Variants in OPCML observed in about 807,000 individuals in gnomAD.
OPCML encodes opioid-binding protein/cell adhesion molecule.
In OPCML, 13 loss-of-function variants were observed where a neutral mutation model predicts 37.8. The ratio of observed to expected loss-of-function variants is 0.34; its 90% CI spans 0.22 to 0.55. The LOEUF is 0.55. Ranked by LOEUF, OPCML falls within the 20% of genes least tolerant of loss-of-function variation. OPCML has a pLI of 0.91. For synonymous variants in OPCML, 176 were observed against 168.8 expected, an observed-to-expected ratio of 1.04 and a Z score of -0.33; for missense variants, 341 against 435.6, an observed-to-expected ratio of 0.78 and a Z score of 1.93.
intron 1 of OPCML, among the ~76,000 whole-genome samples, chr11:133,017,546 C>T (rs1314250933): frequency 1.3e-5 from 2 of 151,972 alleles, no homozygotes; most frequent in African/African-American, 4.8e-5. Flanking sequence ...TACAGGCATG[C>T]ACCCAGCTAA....
intron 2 of OPCML, among the ~76,000 whole-genome samples, chr11:132,796,545 A>G (rs1391667762): frequency 1.8e-5 from 2 of 113,340 alleles, no homozygotes; most frequent in South Asian, 6.6e-4. Flanking sequence ...AACACTTATT[A>G]TTATCCACTT....
At chr11:132,427,333 T>C (rs1013214923) in intron 7 of OPCML, among the ~76,000 whole-genome samples, 1 of 152,216 alleles carries the variant, frequency 6.6e-6, no homozygotes, top group African/African-American at 2.4e-5. Flanking sequence ...TTCTTGGTGA[T>C]TAAAAGAGGA....
chr11:133,422,040 T>TA, intron 1 of OPCML: 1 of 593,316 alleles, frequency 1.7e-6, no homozygotes, highest in Non-Finnish European at 2.1e-6. Flanking sequence ...CATAGGTGTA[T>TA]ACGTGCCATG....
At chr11:132,588,723 C>A (rs1026927595) in intron 3 of OPCML, among the ~76,000 whole-genome samples, 10 of 152,088 alleles carry the variant, frequency 6.6e-5, no homozygotes, top group African/African-American at 1.9e-4. Flanking sequence ...GAATCCATGG[C>A]CAGTGTCTAA....
intron 1 of OPCML, among the ~76,000 whole-genome samples, chr11:133,049,144 C>T (rs80068028): frequency 0.021 from 3,150 of 152,294 alleles, 63 homozygotes; most frequent in Admixed American, 0.056. Context: ...AAATATGGAA[C>T]TTCCTGTGAG....
intron 1 of OPCML, among the ~76,000 whole-genome samples, chr11:133,490,715 C>CT (rs1183293175): frequency 6.6e-6 from 1 of 152,076 alleles, no homozygotes; most frequent in Non-Finnish European, 1.5e-5. Flanking sequence ...TCCTTTCTTG[C>CT]TTTTTTTGAT....
At chr11:132,566,148 G>A (rs2096422548) in intron 3 of OPCML, among the ~76,000 whole-genome samples, 1 of 152,178 alleles carries the variant, frequency 6.6e-6, no homozygotes, top group Non-Finnish European at 1.5e-5. Flanking sequence ...TCTGGTAGAG[G>A]AGAAATATAA....
At chr11:133,082,127 A>T (rs1948730409) in intron 1 of OPCML, among the ~76,000 whole-genome samples, 1 of 150,996 alleles carries the variant, frequency 6.6e-6, no homozygotes, top group African/African-American at 2.4e-5. Context: ...CGGCTCAGGG[A>T]CCCCTCCCCA....
At chr11:133,200,336 A>G (rs1209265941) in intron 1 of OPCML, among the ~76,000 whole-genome samples, 1 of 152,210 alleles carries the variant, frequency 6.6e-6, no homozygotes, top group Non-Finnish European at 1.5e-5. Context: ...TGGGGGCAGA[A>G]GAGAAGATAC....
In OPCML at chr11:132,758,298, G is replaced by T. The variant is rs143349304; in HGVS notation, c.147-100979C>A. Among the ~76,000 whole-genome samples the T allele has an allele frequency of 3.9e-3, 595 of 152,248 alleles. 7 individuals carry two copies. The highest frequency in any genetic ancestry group is 0.014 in the African/African-American group (572 of 41,552). ...TCTTGGCTGTACGGCCTCTTCTTTG[G>T]TTCCATATGAAATTTAAAGTAGTTT... is the stretch of plus-strand genomic sequence containing the variant. On this transcript the variant is annotated intron_variant, in intron 2 of 7. Coordinates refer to ENST00000524381, the MANE Select transcript of OPCML (RefSeq NM_001012393.5).
chr11:132,748,013 T>G (rs1945695989), intron 2 of OPCML, among the ~76,000 whole-genome samples: 1 of 152,092 alleles, frequency 6.6e-6, no homozygotes. Flanking sequence ...TCCAATAGAT[T>G]CTTTTATTTT....
At chr11:133,425,513 A>G (rs528233902) in intron 1 of OPCML, among the ~76,000 whole-genome samples, 74 of 152,288 alleles carry the variant, frequency 4.9e-4, no homozygotes, top group African/African-American at 1.6e-3. Flanking sequence ...TGTTATTCAA[A>G]TTGCCAAATG....
chr11:132,434,628 C>G (rs2096007349), intron 7 of OPCML, among the ~76,000 whole-genome samples: 1 of 152,138 alleles, frequency 6.6e-6, no homozygotes, highest in Non-Finnish European at 1.5e-5. Context: ...CCTTGCACAG[C>G]CCTGACATGA....
chr11:132,788,030 G>A (rs1361796221), intron 2 of OPCML, among the ~76,000 whole-genome samples: 5 of 152,030 alleles, frequency 3.3e-5, no homozygotes, highest in South Asian at 2.1e-4. Flanking sequence ...ACAGGCGCAC[G>A]CCACCATGCC....
chr11:133,022,531 G>A (rs78392269), intron 1 of OPCML, among the ~76,000 whole-genome samples: 20,036 of 150,040 alleles, frequency 0.13, 1,819 homozygotes, highest in East Asian at 0.3. Flanking sequence ...ACACCCTCCC[G>A]TCTTTTGCTG....
intron 1 of OPCML, among the ~76,000 whole-genome samples, chr11:133,495,617 C>A (rs1435474373): frequency 6.6e-6 from 1 of 152,124 alleles, no homozygotes. Flanking sequence ...AAGGTGGTAT[C>A]GCATTGTGGT....
intron 1 of OPCML, among the ~76,000 whole-genome samples, chr11:133,427,807 G>A (rs1251193034): frequency 6.6e-6 from 1 of 152,036 alleles, no homozygotes; most frequent in Admixed American, 6.6e-5. Flanking sequence ...TTTGGAACCA[G>A]GTAGTTTTTA....
At chr11:133,264,409 G>C (rs1000287250) in intron 1 of OPCML, among the ~76,000 whole-genome samples, 1 of 152,154 alleles carries the variant, frequency 6.6e-6, no homozygotes, top group Non-Finnish European at 1.5e-5. Context: ...TTCTCAAGAG[G>C]GAAGTGTTCA....
chr11:132,591,057 C>T (rs188527305), intron 3 of OPCML, among the ~76,000 whole-genome samples: 2 of 152,264 alleles, frequency 1.3e-5, no homozygotes, highest in Non-Finnish European at 2.9e-5. Flanking sequence ...TCCTCCCTTC[C>T]GTCTTCTCTC....
Sources: gnomAD v4.1 joint callset for allele counts (sites outside exome capture counted in the v4.1 genomes callset) on GRCh38, gnomAD v4.1.1 for gene constraint, MANE v1.5 for transcripts, NCBI Gene and HGNC (gene_info 2026-07-23, HGNC 2026-07-21) for gene names.